Variants in OCLN observed in about 807,000 individuals in gnomAD.
OCLN encodes phosphatase 1, regulatory subunit 115.
A neutral mutation model predicts 47.9 loss-of-function variants in OCLN; 21 were observed. The ratio of observed to expected loss-of-function variants is 0.44; its 90% CI spans 0.31 to 0.63. The LOEUF (loss-of-function observed/expected upper bound fraction) is 0.63. OCLN is among the 30% of genes least tolerant of loss of function. The pLI is 0.08. For synonymous variants in OCLN, 117 were observed against 198.4 expected, an observed-to-expected ratio of 0.59 and a Z score of 3.45; for missense variants, 360 against 571.0, an observed-to-expected ratio of 0.63 and a Z score of 3.77.
chr5:69,516,660 A>G (rs1410690767), intron 4 of OCLN, among the ~76,000 whole-genome samples: 1 of 152,160 alleles, frequency 6.6e-6, no homozygotes, highest in East Asian at 1.9e-4. Flanking sequence ...AAAAATATAT[A>G]CTATTAATCT....
intron 3 of OCLN, among the ~76,000 whole-genome samples, chr5:69,513,404 C>T (rs1768839563): frequency 6.6e-6 from 1 of 152,176 alleles, no homozygotes; most frequent in South Asian, 2.1e-4. Flanking sequence ...TGATTAGATC[C>T]ATGTCTTCAT....
At chr5:69,508,066 G>T (rs1768656697) in intron 2 of OCLN, among the ~76,000 whole-genome samples, 1 of 151,398 alleles carries the variant, frequency 6.6e-6, no homozygotes, top group African/African-American at 2.4e-5. Flanking sequence ...AAATTTTTTT[G>T]CCCTGTCACC....
At chr5:69,553,452 A>T in intron 8 of OCLN, 118 bp from the exon 9 acceptor site, 1 of 1,084,448 alleles carries the variant, frequency 9.2e-7, no homozygotes, top group Non-Finnish European at 1.3e-6. Context: ...TTTTACTTCA[A>T]TTAACACTCC....
intron 4 of OCLN, among the ~76,000 whole-genome samples, chr5:69,533,446 C>A (rs1000782934): frequency 4.6e-5 from 7 of 152,038 alleles, no homozygotes; most frequent in Non-Finnish European, 1.0e-4. Context: ...ACAGAAATAA[C>A]GTTGTTACAT....
chr5:69,530,318 A>G (rs780157734), intron 4 of OCLN, among the ~76,000 whole-genome samples: 9 of 152,186 alleles, frequency 5.9e-5, no homozygotes, highest in Non-Finnish European at 7.3e-5. Context: ...TTCTCTCATA[A>G]TAGGAAATAC....
chr5:69,515,941 G>C (rs1354546093), intron 4 of OCLN, among the ~76,000 whole-genome samples: 1 of 148,826 alleles, frequency 6.7e-6, no homozygotes, highest in African/African-American at 2.5e-5. Flanking sequence ...GATGGCATGG[G>C]GGCCGGGAAG....
intron 3 of OCLN, among the ~76,000 whole-genome samples, chr5:69,510,771 A>T (rs913165057): frequency 3.3e-5 from 5 of 152,216 alleles, no homozygotes; most frequent in Non-Finnish European, 2.9e-5. Flanking sequence ...GGTTATACCT[A>T]GGGGTGGAAT....
intron 1 of OCLN, among the ~76,000 whole-genome samples, chr5:69,498,009 G>A (rs1768347933): frequency 6.6e-6 from 1 of 151,372 alleles, no homozygotes; most frequent in Non-Finnish European, 1.5e-5. Context: ...GCGGGCGCCT[G>A]TAGTCCCAGC....
intron 3 of OCLN, among the ~76,000 whole-genome samples, chr5:69,511,415 G>A (rs535769930): frequency 6.6e-6 from 1 of 151,354 alleles, no homozygotes; most frequent in Non-Finnish European, 1.5e-5. Context: ...GGCTATTTTT[G>A]TTGTTGTTTT....
intron 1 of OCLN, among the ~76,000 whole-genome samples, chr5:69,500,938 T>G (rs1016387930): frequency 1.4e-5 from 2 of 146,662 alleles, no homozygotes; most frequent in African/African-American, 4.9e-5. Flanking sequence ...TTTTTTTTTT[T>G]AAAGGAGTCT....
chr5:69,513,987 T>G lies in OCLN; in HGVS notation c.769T>G (p.Phe257Val), dbSNP rs764521208. Residue 257 changes from phenylalanine (F) to valine (V), a missense_variant, in exon 4 of 9, where the codon TTT becomes GTT. Phe to Val is a conservative substitution (Grantham distance 50). Around this residue, in one of 3 missense-constraint regions of OCLN, gnomAD observed 314 missense variants for 368.1 expected, o/e 0.85. Transcript: ENST00000396442. ...IVLGFMIIVA[F>V]ALIIFFAVKT... ...ACTGGGGTTCATGATTATTGTGGCT[T>G]TTGCTTTAATAATTTTCTTTGCTGT... 1.2e-6 allele frequency: 2 copies of G among 1,613,850 alleles called. No individual in the cohort carries two copies. Among genetic ancestry groups the G allele is most frequent in the Non-Finnish European group, 1.7e-6 (2 of 1,179,824 alleles).
chr5:69,520,668 AT>A (rs905602634), intron 4 of OCLN, among the ~76,000 whole-genome samples: 6 of 147,708 alleles, frequency 4.1e-5, no homozygotes, highest in African/African-American at 9.9e-5. Flanking sequence ...ACTCCCTTAA[AT>A]TTTTTTTTTT....
chr5:69,499,589 C>G (rs573196655), intron 1 of OCLN, among the ~76,000 whole-genome samples: 1 of 151,714 alleles, frequency 6.6e-6, no homozygotes, highest in South Asian at 2.1e-4. Context: ...TGGTTTTTTT[C>G]TTTCTTTTTT....
rs768509969 is a variant in OCLN, at chr5:69,509,764, C to T, written c.674C>T (p.Thr225Ile). 4 of 1,614,110 alleles carry T rather than the reference C, an allele frequency of 2.5e-6. No individual in the cohort carries two copies. Among genetic ancestry groups the T allele is most frequent in the Non-Finnish European group, 3.4e-6 (4 of 1,180,002 alleles). Reference sequence around the variant, plus strand: ...AACCAATTTTATACACCTGCAGCTACTGGACTCTACGTGGATCAGTATTTG... The same window carrying T: ...AACCAATTTTATACACCTGCAGCTATTGGACTCTACGTGGATCAGTATTTG... ...LCNQFYTPAA[T>I]GLYVDQYLYH... The change falls in exon 3 of 9, where the codon ACT (threonine) becomes ATT (isoleucine). Residue 225 changes from threonine to isoleucine, a missense_variant. This residue lies in a region of OCLN where 314 missense variants were observed against 368.1 expected (regional missense o/e 0.85). Coordinates refer to ENST00000396442, the MANE Select transcript of OCLN (RefSeq NM_001205254.2).
chr5:69,525,111 C>A (rs1234050510), intron 4 of OCLN, among the ~76,000 whole-genome samples: 1 of 146,134 alleles, frequency 6.8e-6, no homozygotes, highest in Non-Finnish European at 1.5e-5. Context: ...CTTTTCTTTT[C>A]TTTTTTTTTT....
At chr5:69,499,327 A>G (rs1026688331) in intron 1 of OCLN, among the ~76,000 whole-genome samples, 1 of 151,810 alleles carries the variant, frequency 6.6e-6, no homozygotes, top group Non-Finnish European at 1.5e-5. Flanking sequence ...TTCCTGCTTC[A>G]GCTTCCTAGA....
chr5:69,494,867 A>G (rs190453281), intron 1 of OCLN, among the ~76,000 whole-genome samples: 1 of 152,294 alleles, frequency 6.6e-6, no homozygotes, highest in Admixed American at 6.5e-5. Flanking sequence ...CTTGCTTGCA[A>G]ACTGCTTCAG....
chr5:69,494,442 T>C (rs781003620), intron 1 of OCLN, among the ~76,000 whole-genome samples: 4 of 152,260 alleles, frequency 2.6e-5, no homozygotes, highest in Non-Finnish European at 4.4e-5. Flanking sequence ...CGCCTTGGCC[T>C]CCCAAAGTGC....
At chr5:69,528,677 T>C (rs1423418087) in intron 4 of OCLN, among the ~76,000 whole-genome samples, 1 of 152,190 alleles carries the variant, frequency 6.6e-6, no homozygotes, top group East Asian at 1.9e-4. Flanking sequence ...CTTTACCTTC[T>C]CTGTGACTTT....
Sources: allele counts gnomAD v4.1 joint callset (sites outside exome capture counted in the v4.1 genomes callset), GRCh38; gene constraint gnomAD v4.1.1; regional missense constraint gnomAD v4.1.1; transcripts MANE v1.5; gene names NCBI Gene and HGNC (gene_info 2026-07-23, HGNC 2026-07-21).